The following AHCY variants were observed in gnomAD, a reference collection of about 807,000 sequenced individuals.
AHCY encodes adenosylhomocysteinase, also known as S-adenosyl-L-homocysteine hydrolase.
Under a neutral mutation model 45.4 loss-of-function variants are expected in AHCY, and 24 were observed. The ratio of observed to expected loss-of-function variants is 0.53; its 90% CI spans 0.38 to 0.74. AHCY has a LOEUF of 0.74. AHCY is among the 30% of genes least tolerant of loss of function. The pLI is 0.00. For synonymous variants in AHCY, 245 were observed against 235.1 expected, an observed-to-expected ratio of 1.04 and a Z score of -0.39; for missense variants, 449 against 594.1, an observed-to-expected ratio of 0.76 and a Z score of 2.54.
intron 1 of AHCY, among the ~76,000 whole-genome samples, chr20:34,310,947 G>A (rs1160145268): frequency 6.6e-6 from 1 of 152,092 alleles, no homozygotes; most frequent in Admixed American, 6.6e-5. Context: ...CCAACATGGC[G>A]AAATCCCATC....
intron 9 of AHCY, among the ~76,000 whole-genome samples, chr20:34,283,407 G>A (rs2036067668): frequency 1.3e-5 from 2 of 152,138 alleles, no homozygotes; most frequent in African/African-American, 2.4e-5. Flanking sequence ...CGTGCAGTAG[G>A]TGACTTAATA....
chr20:34,302,804 G>C (rs2036823749), intron 1 of AHCY: 4 of 1,014,166 alleles, frequency 3.9e-6, no homozygotes, highest in Admixed American at 5.9e-5. Flanking sequence ...ACACCCTCCG[G>C]GGTGCCCTCG....
the AHCY span, chr20:34,246,573 T>G: frequency 1.3e-6 from 1 of 781,796 alleles, no homozygotes; most frequent in South Asian, 1.4e-5. Flanking sequence ...CAAGCAATCC[T>G]CCCACCTCAG....
At chr20:34,296,121 C>T (rs1402027306) in intron 1 of AHCY, among the ~76,000 whole-genome samples, 1 of 152,152 alleles carries the variant, frequency 6.6e-6, no homozygotes, top group Non-Finnish European at 1.5e-5. Flanking sequence ...GGAACTCATC[C>T]GTATAACGAA....
At chr20:34,291,612 C>T in intron 4 of AHCY, 81 bp from the exon 5 acceptor site, 1 of 1,283,998 alleles carries the variant, frequency 7.8e-7, no homozygotes, top group South Asian at 1.2e-5. Flanking sequence ...CCCCTAAAGC[C>T]ATTCCTCTTT....
chr20:34,291,049 T>A (rs562590722), intron 5 of AHCY, 111 bp from the exon 6 acceptor site: 45 of 1,090,440 alleles, frequency 4.1e-5, no homozygotes, highest in Non-Finnish European at 5.7e-5. Flanking sequence ...CCACCAAGCA[T>A]CCCGGCCTGG....
the AHCY span, among the ~76,000 whole-genome samples, chr20:34,245,333 CA>C: frequency 0.026 from 1,634 of 63,580 alleles, 23 homozygotes; most frequent in African/African-American, 0.067. Context: ...GACTCTGTCT[CA>C]AAAAAAAAAA....
At position 34,285,473 on chromosome 20, in the gene AHCY, C is replaced by T. The variant is rs774872458; in HGVS notation, c.1134G>A (p.Lys378=). ...GCAGGAAATGAACCCCAACGGGGTA[C>T]TTGTCTGGATGGGTCCACAGCTCGA... ...AQIELWTHPD[K]YPVGVHFLPK... is the part of the protein sequence containing the mutation. Residue 378 remains lysine (K), a synonymous_variant, in exon 9 of 10, where the codon AAG becomes AAA. Transcript: ENST00000217426. The T allele has an allele frequency of 6.2e-7, 1 of 1,614,084 alleles. No individual in the cohort carries two copies. Among genetic ancestry groups the T allele is most frequent in the Non-Finnish European group, 8.5e-7 (1 of 1,179,938 alleles).
At chr20:34,254,204 A>G in the AHCY span, among the ~76,000 whole-genome samples, 2 of 152,174 alleles carry the variant, frequency 1.3e-5, no homozygotes, top group African/African-American at 4.8e-5. Flanking sequence ...TTGGGATTAC[A>G]GGCATGCGCC....
In AHCY at chr20:34,285,581, A is replaced by C; in HGVS notation, c.1026T>G (p.Gly342=). 6.2e-7 allele frequency: 1 copy of C among 1,613,918 alleles called. No individual in the cohort carries two copies. Among genetic ancestry groups the C allele is most frequent in the Non-Finnish European group, 8.5e-7 (1 of 1,179,950 alleles). The part of the protein sequence containing the change: ...NGRRIILLAE[G]RLVNLGCAMG... The stretch of plus-strand genomic sequence containing the variant: ...TGGCACAACCCAGGTTGACCAGCCG[A>C]CCCTCGGCCAGCAGGATGATGCGGC... Residue 342 remains glycine (G), a synonymous_variant, in exon 9 of 10, where the codon GGT becomes GGG. Transcript: ENST00000217426.
At chr20:34,233,514 G>C in the AHCY span, among the ~76,000 whole-genome samples, 2 of 152,106 alleles carry the variant, frequency 1.3e-5, no homozygotes, top group Non-Finnish European at 2.9e-5. Context: ...ACATACTGTA[G>C]GATGGTTGCA....
intron 2 of AHCY, 46 bp downstream of exon 2, chr20:34,295,349 C>G (rs1282788753): frequency 1.2e-6 from 2 of 1,609,418 alleles, no homozygotes; most frequent in Non-Finnish European, 1.7e-6. Flanking sequence ...CCTGGCTGAA[C>G]CCAGGGAGGG....
downstream of AHCY, among the ~76,000 whole-genome samples, chr20:34,276,971 C>T (rs2035914658): frequency 6.6e-6 from 1 of 152,144 alleles, no homozygotes; most frequent in Non-Finnish European, 1.5e-5. Context: ...GAACCTCAGA[C>T]TCCCAAAGCA....
the AHCY span, among the ~76,000 whole-genome samples, chr20:34,247,154 C>T: frequency 6.6e-6 from 1 of 150,678 alleles, no homozygotes; most frequent in Non-Finnish European, 1.5e-5. Context: ...CAATGTAGCC[C>T]GTTGTGTTTA....
At chr20:34,251,116 C>T in the AHCY span, among the ~76,000 whole-genome samples, 1 of 152,314 alleles carries the variant, frequency 6.6e-6, no homozygotes, top group East Asian at 1.9e-4. Context: ...ACACTCACTG[C>T]TATTAATACA....
the AHCY span, among the ~76,000 whole-genome samples, chr20:34,256,772 G>A: frequency 2.6e-5 from 4 of 151,944 alleles, no homozygotes; most frequent in South Asian, 6.2e-4. Context: ...TGCCTTAATC[G>A]AGCTCATTTG....
chr20:34,264,459 C>T, the AHCY span, among the ~76,000 whole-genome samples: 1 of 152,136 alleles, frequency 6.6e-6, no homozygotes, highest in Non-Finnish European at 1.5e-5. Context: ...GTGTTTAATG[C>T]AATATTGTAA....
downstream of AHCY, among the ~76,000 whole-genome samples, chr20:34,278,316 G>A (rs1214322204): frequency 6.6e-6 from 1 of 152,204 alleles, no homozygotes; most frequent in Admixed American, 6.5e-5. Context: ...AAGAAGGGAG[G>A]TGGGGGGCTA....
At chr20:34,311,249 C>T (rs1292787489) in intron 1 of AHCY, among the ~76,000 whole-genome samples, 1 of 152,244 alleles carries the variant, frequency 6.6e-6, no homozygotes, top group Non-Finnish European at 1.5e-5. Context: ...AACACACAAA[C>T]AGGTATTTGC....
Sources: allele counts gnomAD v4.1 joint callset (sites outside exome capture counted in the v4.1 genomes callset), GRCh38; gene constraint gnomAD v4.1.1; transcripts MANE v1.5; gene names NCBI Gene and HGNC (gene_info 2026-07-23, HGNC 2026-07-21).